OSBP2: variants seen among roughly 807,000 people sequenced by gnomAD.
The protein encoded by OSBP2 is oxysterol binding protein 2, also known as oxysterol-binding protein 2.
In OSBP2, 66 loss-of-function variants were observed where a neutral mutation model predicts 96.0. The ratio of observed to expected loss-of-function variants is 0.69; its 90% confidence interval spans 0.56 to 0.84. OSBP2 has a LOEUF of 0.84. OSBP2 is among the 40% of genes least tolerant of loss of function. The pLI is 0.00. For missense variants in OSBP2, 1,038 were observed against 1,222.7 expected (o/e 0.85, Z 2.25); for synonymous variants, 525 against 520.9 (o/e 1.01, Z -0.11).
At chr22:30,741,568 T>C (rs1352156251) in intron 2 of OSBP2, among the ~76,000 whole-genome samples, 199 bp downstream of exon 2, 1 of 152,214 alleles carries the variant, frequency 6.6e-6, no homozygotes, top group African/African-American at 2.4e-5. Context: ...CGAGCAGTTC[T>C]TGGCATGGAA....
At chr22:30,829,279 C>T (rs1372413026) in intron 2 of OSBP2, among the ~76,000 whole-genome samples, 2 of 152,150 alleles carry the variant, frequency 1.3e-5, no homozygotes, top group African/African-American at 4.8e-5. Context: ...CCCTTTACCC[C>T]TACTTATTTT....
chr22:30,881,905 T>G lies in OSBP2; in HGVS notation c.1108-5521T>G. 9.8e-7 allele frequency: 1 copy of G among 1,023,548 alleles called. No individual in the cohort carries two copies. Among genetic ancestry groups the G allele is most frequent in the South Asian group, 1.4e-5 (1 of 70,224 alleles). The allele number at this position is 1,023,548 out of a possible 1,614,324, so 63.4% of individuals were successfully genotyped here. A position where few individuals can be genotyped will look rare whatever the true frequency, so the allele number is the denominator to read the frequency against. ...GGTAAAGGTCTTGGGTGCAGCCACA[T>G]GAGGCCTTTGATATTAGGGCACAGC... On this transcript the variant is annotated intron_variant, in intron 3 of 13. Transcript: ENST00000332585. The surrounding 1 kb of genome is among the most constrained non-coding windows in gnomAD (Gnocchi z 4.5).
chr22:30,893,920 G>A lies in OSBP2; in HGVS notation c.2294G>A (p.Ser765Asn). ...ECSKVMHSSP[S>N]SPSSDGKQKT... ...TCCAAGGTCATGCATAGCAGTCCCAGCAGCCCCAGCTCTGACGGGAAGCAG... is the reference window on the plus strand; with the variant it reads ...TCCAAGGTCATGCATAGCAGTCCCAACAGCCCCAGCTCTGACGGGAAGCAG... Residue 765 changes from serine to asparagine, a missense_variant, in exon 12 of 14, where the codon AGC (serine) becomes AAC (asparagine). This residue lies in a region of OSBP2 where 737 missense variants were observed against 913.3 expected (regional missense o/e 0.81). Coordinates refer to ENST00000332585, the MANE Select transcript of OSBP2 (RefSeq NM_030758.4). The A allele has an allele frequency of 6.3e-7, 1 of 1,594,478 alleles. No homozygotes were observed. Among genetic ancestry groups the A allele is most frequent in the Admixed American group, 1.8e-5 (1 of 56,488 alleles).
At chr22:30,869,478 T>C (rs551804708) in intron 2 of OSBP2, among the ~76,000 whole-genome samples, 6 of 152,338 alleles carry the variant, frequency 3.9e-5, no homozygotes, top group Admixed American at 1.3e-4. Flanking sequence ...AACTGTGACA[T>C]TGGGCCTTTT....
chr22:30,893,588 G>A lies in OSBP2; in HGVS notation c.2094+22G>A, dbSNP rs377063301. On this transcript the variant is annotated intron_variant, in intron 10 of 13. Transcript: ENST00000332585. ...CCAGGTCAGGGGCGCCCTTGGGGAG[G>A]GGGTGCATGGCCCGGGGGCTGGCCG... 4.3e-6 allele frequency: 7 copies of A among 1,613,022 alleles called. No individual in the cohort carries two copies. In the African/African-American group the frequency reaches 8.0e-5, roughly 18 times the overall value.
chr22:30,865,631 CA>C (rs398040482), intron 2 of OSBP2, among the ~76,000 whole-genome samples: 6,263 of 59,544 alleles, frequency 0.11, 81 homozygotes, highest in African/African-American at 0.14. Flanking sequence ...GACTCCATCT[CA>C]AAAAAAAAAA....
chr22:30,722,542 A>G (rs992984039), intron 1 of OSBP2, among the ~76,000 whole-genome samples: 1 of 152,164 alleles, frequency 6.6e-6, no homozygotes, highest in Non-Finnish European at 1.5e-5. Context: ...TATCTAGTCA[A>G]TACTCAAATT....
At chr22:30,836,020 T>C (rs1333009850) in intron 2 of OSBP2, among the ~76,000 whole-genome samples, 1 of 152,128 alleles carries the variant, frequency 6.6e-6, no homozygotes, top group Non-Finnish European at 1.5e-5. Flanking sequence ...GCCCAGCCAT[T>C]AATTGTATTT....
At chr22:30,876,219 G>C (rs939917875) in intron 3 of OSBP2, among the ~76,000 whole-genome samples, 1 of 152,266 alleles carries the variant, frequency 6.6e-6, no homozygotes, top group Non-Finnish European at 1.5e-5. Context: ...ATCGTGCGCA[G>C]GTCTTTCTGC....
chr22:30,783,272 T>G (rs1444517476), intron 2 of OSBP2, among the ~76,000 whole-genome samples: 1 of 142,670 alleles, frequency 7.0e-6, no homozygotes, highest in Non-Finnish European at 1.5e-5. Context: ...AAATACCACA[T>G]CTCAGAGGCA....
At chr22:30,761,418 T>G (rs750639044) in intron 2 of OSBP2, among the ~76,000 whole-genome samples, 2 of 152,166 alleles carry the variant, frequency 1.3e-5, no homozygotes, top group African/African-American at 2.4e-5. Context: ...TAAATAGTGT[T>G]AAATACTGAT....
chr22:30,834,373 G>A (rs1317893809), intron 2 of OSBP2, among the ~76,000 whole-genome samples: 1 of 152,122 alleles, frequency 6.6e-6, no homozygotes, highest in East Asian at 1.9e-4. Flanking sequence ...CCAAGGAGTG[G>A]GATTGCTAGG....
At chr22:30,823,170 G>A (rs975229086) in intron 2 of OSBP2, among the ~76,000 whole-genome samples, 3 of 152,116 alleles carry the variant, frequency 2.0e-5, no homozygotes, top group Non-Finnish European at 4.4e-5. Flanking sequence ...GTGATTCTCC[G>A]AGTGGCCGCC....
At chr22:30,761,464 A>G (rs563838598) in intron 2 of OSBP2, among the ~76,000 whole-genome samples, 2 of 152,328 alleles carry the variant, frequency 1.3e-5, no homozygotes, top group Non-Finnish European at 1.5e-5. Flanking sequence ...GAGACATACA[A>G]TGCTCATGGA....
intron 12 of OSBP2, among the ~76,000 whole-genome samples, chr22:30,895,068 A>C (rs1203871034): frequency 6.6e-6 from 1 of 152,200 alleles, no homozygotes; most frequent in East Asian, 1.9e-4. Context: ...CGTGGGGTAC[A>C]ACATTTTAGA....
At position 30,716,206 on chromosome 22, in the gene OSBP2, T is replaced by C. The variant is rs188203105; in HGVS notation, c.644+20653T>C. ...ACAGGTGCCTGCCACCACACCCAGC[T>C]AATTTTTGTACTTTTAGTAGAGATG... On this transcript the variant is annotated intron_variant, in intron 1 of 13. Transcript: ENST00000332585. 3.8e-4 allele frequency among the ~76,000 whole-genome samples: 57 copies of C among 150,936 alleles called. No homozygotes were observed. The East Asian group carries it at 0.011, about 29-fold the overall frequency.
In OSBP2 at chr22:30,907,414, G is replaced by A. The variant is rs118130276; in HGVS notation, c.*1075G>A. ...AAGTGAAAAAATGATGAAGACGGGT[G>A]CACCTGTCTGAGTTTGGCCCTCATG... On this transcript the variant is annotated 3_prime_UTR_variant, in exon 14 of 14. Coordinates refer to ENST00000332585, the MANE Select transcript of OSBP2 (RefSeq NM_030758.4). The A allele has an allele frequency of 0.014, 2,088 of 152,210 alleles. 35 individuals carry two copies. The highest frequency in any genetic ancestry group is 0.028 in the South Asian group (134 of 4,816). The allele number at this position is 152,210 out of a possible 1,614,324, so 9.4% of individuals were successfully genotyped here. A position where few individuals can be genotyped will look rare whatever the true frequency, so the allele number is the denominator to read the frequency against.
chr22:30,815,802 G>A (rs1442186788), intron 2 of OSBP2, among the ~76,000 whole-genome samples: 1 of 152,080 alleles, frequency 6.6e-6, no homozygotes, highest in Non-Finnish European at 1.5e-5. Context: ...TTTAATGGCT[G>A]TGTAATATTC....
chr22:30,765,303 G>A (rs1005172969), intron 2 of OSBP2, among the ~76,000 whole-genome samples: 91 of 152,096 alleles, frequency 6.0e-4, no homozygotes, highest in African/African-American at 2.0e-3. Flanking sequence ...TCCACCTCCC[G>A]GGTTCAGACG....
Sources: gnomAD v4.1 joint callset for allele counts (sites outside exome capture counted in the v4.1 genomes callset) on GRCh38, gnomAD v4.1.1 for gene constraint, gnomAD v4.1.1 regional missense constraint, Gnocchi (gnomAD v3.1) non-coding constraint, MANE v1.5 for transcripts, NCBI Gene and HGNC (gene_info 2026-07-23, HGNC 2026-07-21) for gene names.